The following TMPRSS11D variants were observed in gnomAD, a reference collection of about 807,000 sequenced individuals.
The protein encoded by TMPRSS11D is transmembrane serine protease 11D, also known as transmembrane protease serine 11D.
A neutral mutation model predicts 44.4 loss-of-function variants in TMPRSS11D; 32 were observed. That is an observed-to-expected ratio of 0.72 (90% CI 0.54 to 0.97). The LOEUF is 0.97. Among genes scored for constraint, TMPRSS11D ranks in the 50% least tolerant of loss-of-function variants. The pLI, the probability that TMPRSS11D is intolerant of heterozygous loss-of-function variation, is 0.00. For synonymous variants in TMPRSS11D, 179 were observed against 177.9 expected, an observed-to-expected ratio of 1.01 and a Z score of -0.05; for missense variants, 446 against 502.6, an observed-to-expected ratio of 0.89 and a Z score of 1.08.
intron 2 of TMPRSS11D, among the ~76,000 whole-genome samples, chr4:67,855,710 G>A (rs981842063): frequency 1.3e-5 from 2 of 152,082 alleles, no homozygotes; most frequent in Non-Finnish European, 2.9e-5. Flanking sequence ...TCAGGTTAGA[G>A]AAATAAATAA....
intron 2 of TMPRSS11D, among the ~76,000 whole-genome samples, chr4:67,854,996 C>A (rs1253971390): frequency 9.8e-6 from 1 of 101,842 alleles, no homozygotes; most frequent in Non-Finnish European, 2.1e-5. Flanking sequence ...GTGGCTCATG[C>A]CTGTAATCCC....
chr4:67,848,205 C>G (rs1446323973), intron 3 of TMPRSS11D, among the ~76,000 whole-genome samples: 1 of 152,232 alleles, frequency 6.6e-6, no homozygotes, highest in Non-Finnish European at 1.5e-5. Flanking sequence ...AATGTCACTC[C>G]TGATGGCAAA....
intron 3 of TMPRSS11D, among the ~76,000 whole-genome samples, chr4:67,848,204 C>T (rs1333750711): frequency 2.8e-4 from 42 of 152,308 alleles, no homozygotes; most frequent in Non-Finnish European, 1.6e-4. Flanking sequence ...CAATGTCACT[C>T]CTGATGGCAA....
intron 7 of TMPRSS11D, among the ~76,000 whole-genome samples, chr4:67,828,787 T>A (rs1371128484): frequency 6.6e-6 from 1 of 152,060 alleles, no homozygotes; most frequent in African/African-American, 2.4e-5. Flanking sequence ...TATAAAGAGG[T>A]AGAAGTGGTC....
At chr4:67,822,648 G>A (rs1393474677) in intron 9 of TMPRSS11D, 150 bp from the exon 10 acceptor site, 4 of 840,608 alleles carry the variant, frequency 4.8e-6, no homozygotes, top group Non-Finnish European at 7.1e-6. Context: ...ACCAAGTCAT[G>A]GAAAAATTAC....
chr4:67,837,750 T>G (rs115745412), intron 5 of TMPRSS11D, among the ~76,000 whole-genome samples: 123 of 152,146 alleles, frequency 8.1e-4, no homozygotes, highest in African/African-American at 2.8e-3. Context: ...AGCCAAACAA[T>G]ACAAAATTTA....
intron 6 of TMPRSS11D, among the ~76,000 whole-genome samples, chr4:67,834,033 G>A (rs1037109949): frequency 2.0e-5 from 3 of 152,132 alleles, no homozygotes; most frequent in African/African-American, 7.2e-5. Context: ...AGGGTTTCTA[G>A]TATCTAAATA....
Position 67,825,836 on chromosome 4 carries a change from T to C in TMPRSS11D, c.991A>G (p.Ile331Val), listed in dbSNP as rs751691534. ...VPELRQGQVRIISNDVCNAPH... is the reference protein window; with the variant it reads ...VPELRQGQVRVISNDVCNAPH... ...GCATTACATACATCATTACTTATTA[T>C]TCTGACCTGTCCTTGCCTTAGCTCT... The change falls in exon 9 of 10, where the codon ATA becomes GTA. Residue 331 changes from isoleucine (I) to valine (V), a missense_variant. Physicochemically the swap from Ile to Val is conservative, Grantham distance 29. Coordinates refer to ENST00000283916, the MANE Select transcript of TMPRSS11D (RefSeq NM_004262.3). 1 of 1,613,124 alleles carries C rather than the reference T, an allele frequency of 6.2e-7. No homozygotes were observed. The highest frequency in any genetic ancestry group is 1.1e-5 in the South Asian group (1 of 91,010).
intron 7 of TMPRSS11D, among the ~76,000 whole-genome samples, chr4:67,832,904 A>G (rs1717981466): frequency 6.6e-6 from 1 of 152,076 alleles, no homozygotes; most frequent in African/African-American, 2.4e-5. Context: ...AAAAAAATAA[A>G]GCTTATGGAG....
chr4:67,852,996 A>G (rs1330606916), intron 3 of TMPRSS11D, among the ~76,000 whole-genome samples: 1 of 152,238 alleles, frequency 6.6e-6, no homozygotes, highest in East Asian at 1.9e-4. Context: ...AGGATTAATT[A>G]TATCCAATCA....
At chr4:67,879,207 C>T (rs1227784984) in intron 1 of TMPRSS11D, among the ~76,000 whole-genome samples, 1 of 151,938 alleles carries the variant, frequency 6.6e-6, no homozygotes, top group African/African-American at 2.4e-5. Flanking sequence ...TAAGGCTGGG[C>T]GCAGTGGCTC....
chr4:67,840,030 C>T (rs1480923800), intron 4 of TMPRSS11D, among the ~76,000 whole-genome samples: 1 of 146,980 alleles, frequency 6.8e-6, no homozygotes, highest in Non-Finnish European at 1.5e-5. Context: ...CTGCTGATTC[C>T]TCTAGAATGT....
At chr4:67,840,539 G>A (rs917635767) in intron 4 of TMPRSS11D, among the ~76,000 whole-genome samples, 1 of 152,150 alleles carries the variant, frequency 6.6e-6, no homozygotes, top group Admixed American at 6.6e-5. Flanking sequence ...TGACGTAAAA[G>A]AGGGAATCAT....
chr4:67,874,403 A>G (rs1719134057), intron 1 of TMPRSS11D, among the ~76,000 whole-genome samples: 1 of 152,182 alleles, frequency 6.6e-6, no homozygotes, highest in Non-Finnish European at 1.5e-5. Context: ...GTGTCAAGAT[A>G]TTCTCCACTC....
At chr4:67,832,565 G>A (rs1283379426) in intron 7 of TMPRSS11D, among the ~76,000 whole-genome samples, 2 of 151,530 alleles carry the variant, frequency 1.3e-5, no homozygotes, top group Non-Finnish European at 2.9e-5. Context: ...TTTTATTTAT[G>A]CTACTCATTG....
intron 1 of TMPRSS11D, among the ~76,000 whole-genome samples, chr4:67,863,021 G>A (rs550782455): frequency 3.3e-5 from 5 of 150,874 alleles, no homozygotes; most frequent in South Asian, 2.1e-4. Flanking sequence ...AAAGCTGCAC[G>A]TTACCCTAGA....
At chr4:67,870,537 G>A (rs951785716) in intron 1 of TMPRSS11D, among the ~76,000 whole-genome samples, 2 of 151,880 alleles carry the variant, frequency 1.3e-5, no homozygotes, top group Admixed American at 6.5e-5. Flanking sequence ...ACCTCCGGCC[G>A]GGCGCGGTGG....
At chr4:67,858,779 A>G (rs1406888446) in intron 2 of TMPRSS11D, among the ~76,000 whole-genome samples, 4 of 152,272 alleles carry the variant, frequency 2.6e-5, no homozygotes, top group East Asian at 1.9e-4. Context: ...ATTCTAATAT[A>G]TGATATTATT....
At chr4:67,874,802 A>G (rs1165008670) in intron 1 of TMPRSS11D, among the ~76,000 whole-genome samples, 2 of 152,144 alleles carry the variant, frequency 1.3e-5, no homozygotes, top group African/African-American at 4.8e-5. Context: ...CACAGCAACT[A>G]GTTGAGGGTC....
Sources: gnomAD v4.1 joint callset for allele counts (sites outside exome capture counted in the v4.1 genomes callset) on GRCh38, gnomAD v4.1.1 for gene constraint, MANE v1.5 for transcripts, NCBI Gene and HGNC (gene_info 2026-07-23, HGNC 2026-07-21) for gene names.